Variants in ARAP1 observed in about 807,000 individuals in gnomAD.
ARAP1 encodes ArfGAP with RhoGAP domain, ankyrin repeat and PH domain 1, also known as arf-GAP with Rho-GAP domain, ANK repeat and PH domain-containing protein 1.
Under a neutral mutation model 172.2 loss-of-function variants are expected in ARAP1, and 76 were observed. That is an observed-to-expected ratio of 0.44 (90% CI 0.37 to 0.53). The LOEUF (loss-of-function observed/expected upper bound fraction) is 0.53. Ranked by LOEUF, ARAP1 falls within the 20% of genes least tolerant of loss-of-function variation. The probability of loss-of-function intolerance (pLI) is 0.00; values close to 1 mark genes in which losing one functional copy is unlikely to be tolerated. For synonymous variants in ARAP1, 804 were observed against 803.3 expected (o/e 1.00, Z -0.01); for missense variants, 1,686 against 1,977.5 (o/e 0.85, Z 2.80).
In ARAP1 at chr11:72,726,254, C is replaced by G. The variant is rs1465658834; in HGVS notation, c.509+366G>C. ...TGCCTCTTGATGCCGGCATGGACCCCGATACCCTGCAGTATCTCACAGTTG... is the reference window on the plus strand; with the variant it reads ...TGCCTCTTGATGCCGGCATGGACCCGGATACCCTGCAGTATCTCACAGTTG... On this transcript the variant is annotated intron_variant, in intron 3 of 34. Transcript: ENST00000393609. The surrounding 1 kb of genome is among the most constrained non-coding windows in gnomAD (Gnocchi z 6.5). Among the ~76,000 whole-genome samples, 1 of 152,108 alleles carries G rather than the reference C, an allele frequency of 6.6e-6. No individual in the cohort carries two copies. The highest frequency in any genetic ancestry group is 6.5e-5 in the Admixed American group (1 of 15,268).
intron 1 of ARAP1, among the ~76,000 whole-genome samples, chr11:72,735,471 C>G (rs138790164): frequency 0.084 from 12,780 of 152,036 alleles, 645 homozygotes; most frequent in South Asian, 0.16. Context: ...TGGTGGGTGC[C>G]TGTAATCCCA....
chr11:72,696,540 G>C lies in ARAP1; in HGVS notation c.3272+9C>G. 3.9e-6 allele frequency: 6 copies of C among 1,527,946 alleles called. No individual in the cohort carries two copies. The South Asian group carries it at 7.5e-5, about 19-fold the overall frequency. 94.6% of individuals were successfully genotyped at this position (1,527,946 alleles called of 1,614,324 possible). On this transcript the variant is annotated intron_variant, in intron 23 of 34. Transcript: ENST00000393609. ...CCCCCCAGAATCTCACAATGGTATCGTCCCTCACCAGTACAGGTGGCTGAT... is the reference window on the plus strand; with the variant it reads ...CCCCCCAGAATCTCACAATGGTATCCTCCCTCACCAGTACAGGTGGCTGAT...
chr11:72,686,339 G>A, intron 33 of ARAP1, 148 bp from the exon 34 acceptor site: 1 of 1,109,112 alleles, frequency 9.0e-7, no homozygotes, highest in Non-Finnish European at 1.3e-6. Flanking sequence ...AGAAGCAGCT[G>A]TGGGGAGAAC....
chr11:72,710,581 C>T lies in ARAP1; in HGVS notation c.1220G>A (p.Arg407Gln), dbSNP rs779069858. The stretch of plus-strand genomic sequence containing the variant: ...CTGCAGGGCCTGCATCCACTCCTTC[C>T]GCTCCACTGCAGGAGAAGGGTAGAG... ...FAFRAESDVERKEWMQALQQA... is the reference protein window; with the variant it reads ...FAFRAESDVEQKEWMQALQQA... The change falls in exon 10 of 35, where the codon CGG (arginine) becomes CAG (glutamine). Residue 407 changes from arginine to glutamine, a missense_variant. Arg to Gln is a conservative substitution (Grantham distance 43). This residue lies in a region of ARAP1 where 688 missense variants were observed against 856.9 expected (regional missense o/e 0.80). Coordinates refer to ENST00000393609, the MANE Select transcript of ARAP1 (RefSeq NM_001040118.3). This position sits in a 1 kb window ranked among gnomAD's most constrained non-coding sequence, Gnocchi z 4.3. 8.1e-6 allele frequency: 13 copies of T among 1,606,050 alleles called. No homozygotes were observed. The highest frequency in any genetic ancestry group is 2.2e-5 in the East Asian group (1 of 44,816).
chr11:72,744,636 C>T (rs1280612144), intron 1 of ARAP1, among the ~76,000 whole-genome samples: 11 of 152,192 alleles, frequency 7.2e-5, no homozygotes, highest in Admixed American at 3.3e-4. Context: ...AGACCTTGGC[C>T]CCCGAGCCTG....
intron 23 of ARAP1, among the ~76,000 whole-genome samples, chr11:72,696,303 C>A (rs1178656336): frequency 1.3e-5 from 2 of 152,238 alleles, no homozygotes; most frequent in African/African-American, 4.8e-5. Context: ...CAGGCAGTAA[C>A]ACTTGTTCAC....
intron 3 of ARAP1, among the ~76,000 whole-genome samples, chr11:72,715,179 G>A (rs114967760): frequency 0.011 from 1,620 of 152,332 alleles, 21 homozygotes; most frequent in African/African-American, 0.037. Flanking sequence ...TCTGTGAAAC[G>A]GGGGCTATAT....
intron 21 of ARAP1, 36 bp downstream of exon 21, chr11:72,697,287 G>C (rs759017805): frequency 7.0e-6 from 11 of 1,574,134 alleles, no homozygotes; most frequent in South Asian, 3.4e-5. Context: ...GGCTCTCCGG[G>C]AGGGGCGGGG....
At chr11:72,749,127 A>G (rs1270161786) in intron 1 of ARAP1, among the ~76,000 whole-genome samples, 1 of 152,208 alleles carries the variant, frequency 6.6e-6, no homozygotes, top group Admixed American at 6.5e-5. Flanking sequence ...GGGTCAGCTT[A>G]GCTGGGGTCA....
chr11:72,711,226 G>A, intron 8 of ARAP1, 85 bp from the exon 9 acceptor site: 1 of 1,569,072 alleles, frequency 6.4e-7, no homozygotes, highest in Non-Finnish European at 8.7e-7. Context: ...CTGCAGCCCT[G>A]TCTCCTGCAG....
At chr11:72,701,545 G>A in intron 16 of ARAP1, 104 bp downstream of exon 16, 1 of 1,469,140 alleles carries the variant, frequency 6.8e-7, no homozygotes, top group South Asian at 1.3e-5. Context: ...AGCCCTCTAG[G>A]GTGACTCTGC....
At chr11:72,714,464 CCTCAA>C in intron 3 of ARAP1, 143 bp from the exon 4 acceptor site, 1 of 814,308 alleles carries the variant, frequency 1.2e-6, no homozygotes, top group Non-Finnish European at 1.9e-6. Flanking sequence ...ACACAGTCCT[CCTCAA>C]CTCATCTCCC....
In ARAP1 at chr11:72,695,940, C is replaced by T; in HGVS notation, c.3273-75G>A. On this transcript the variant is annotated intron_variant, in intron 23 of 34. Transcript: ENST00000393609. The surrounding 1 kb of genome is among the most constrained non-coding windows in gnomAD (Gnocchi z 4.4). The stretch of plus-strand genomic sequence containing the variant: ...CCCATCTCACCCTATTAATTTCTGA[C>T]AGGTCCAAGACTGGTCTGGTCAGAG... The T allele has an allele frequency of 1.3e-6, 2 of 1,520,814 alleles. No individual in the cohort carries two copies. Among genetic ancestry groups the T allele is most frequent in the Non-Finnish European group, 1.8e-6 (2 of 1,134,618 alleles). 94.2% of individuals were successfully genotyped at this position (1,520,814 alleles called of 1,614,324 possible).
At chr11:72,717,657 A>G (rs984620954) in intron 3 of ARAP1, among the ~76,000 whole-genome samples, 2 of 152,186 alleles carry the variant, frequency 1.3e-5, no homozygotes, top group African/African-American at 4.8e-5. Context: ...AGGGACTTAC[A>G]AACACCTGGA....
chr11:72,752,138 C>G (rs1022108554), intron 1 of ARAP1, among the ~76,000 whole-genome samples, 190 bp downstream of exon 1: 4 of 152,256 alleles, frequency 2.6e-5, no homozygotes, highest in Admixed American at 1.3e-4. Flanking sequence ...CCCTTCCCTA[C>G]CGTCTCTGGC....
At position 72,699,348 on chromosome 11, in the gene ARAP1, T is replaced by C. The variant is rs1856368077; in HGVS notation, c.2438+69A>G. Reference sequence around the variant, plus strand: ...AGGTCCTCCCCTTCTCTGGGTCTATTTCCCTGTCTCCCCAGTGGGGGATTG... The same window carrying C: ...AGGTCCTCCCCTTCTCTGGGTCTATCTCCCTGTCTCCCCAGTGGGGGATTG... On this transcript the variant is annotated intron_variant, in intron 17 of 34. Transcript: ENST00000393609. This position sits in a 1 kb window ranked among gnomAD's most constrained non-coding sequence, Gnocchi z 4.2. 1 of 1,601,470 alleles carries C rather than the reference T, an allele frequency of 6.2e-7. No individual in the cohort carries two copies. The highest frequency in any genetic ancestry group is 2.2e-5 in the East Asian group (1 of 44,648).
chr11:72,713,907 T>A lies in ARAP1; in HGVS notation c.679+245A>T, dbSNP rs941668074. Among the ~76,000 whole-genome samples, 48 of 145,854 alleles carry A rather than the reference T, an allele frequency of 3.3e-4. 1 individual carries two copies. Among genetic ancestry groups the A allele is most frequent in the Non-Finnish European group, 6.6e-4 (44 of 66,222 alleles). On this transcript the variant is annotated intron_variant, in intron 4 of 34. Coordinates refer to ENST00000393609, the MANE Select transcript of ARAP1 (RefSeq NM_001040118.3). ...ACACCATGGAAAATCAGACCATGGG[T>A]AACTGGCAAAGCCGGCCATGGCCCC...
rs1438811601 is a variant in ARAP1 at position 72,697,043 on chromosome 11, G to A, written c.3106C>T (p.Arg1036Cys). 1 of 1,609,992 alleles carries A rather than the reference G, an allele frequency of 6.2e-7. No homozygotes were observed. Among genetic ancestry groups the A allele is most frequent in the Non-Finnish European group, 8.5e-7 (1 of 1,179,940 alleles). ...DVSSALKRFL[R>C]DLPDGLFTRA... ...GTGAAGAGCCCATCAGGCAGGTCGCGCAGGAAGCGCTTGAGCGCCGAGGAA... is the reference window on the plus strand; with the variant it reads ...GTGAAGAGCCCATCAGGCAGGTCGCACAGGAAGCGCTTGAGCGCCGAGGAA... Residue 1036 changes from arginine (R) to cysteine (C), a missense_variant, in exon 22 of 35, where the codon CGC becomes TGC. By Grantham distance (180) the Arg-to-Cys change is radical. Transcript: ENST00000393609.
rs1226390625 is a variant in ARAP1 at position 72,710,329 on chromosome 11, C to G, written c.1416+56G>C. 1.9e-6 allele frequency: 3 copies of G among 1,600,360 alleles called. No homozygotes were observed. Among genetic ancestry groups the G allele is most frequent in the African/African-American group, 2.7e-5 (2 of 74,594 alleles). ...AGGCAGGGCTAAGGCCCTAGGTCAG[C>G]CTGGGGCAGGGTAGGTGGACATGGG... On this transcript the variant is annotated intron_variant, in intron 10 of 34. Transcript: ENST00000393609. The surrounding 1 kb of genome is among the most constrained non-coding windows in gnomAD (Gnocchi z 4.3).
Sources: allele counts gnomAD v4.1 joint callset (sites outside exome capture counted in the v4.1 genomes callset), GRCh38; gene constraint gnomAD v4.1.1; regional missense constraint gnomAD v4.1.1; non-coding constraint Gnocchi (gnomAD v3.1); transcripts MANE v1.5; gene names NCBI Gene and HGNC (gene_info 2026-07-23, HGNC 2026-07-21).